Variants in TRIO observed in about 807,000 individuals in gnomAD.
TRIO encodes trio Rho guanine nucleotide exchange factor.
Under a neutral mutation model 351.9 loss-of-function variants are expected in TRIO, and 58 were observed. That is an observed-to-expected ratio of 0.16 (90% CI 0.13 to 0.21). The LOEUF (loss-of-function observed/expected upper bound fraction) is 0.21, where lower values mean the gene tolerates loss of function less well. Ranked by LOEUF, TRIO falls within the 10% of genes least tolerant of loss-of-function variation. The pLI, the probability that TRIO is intolerant of heterozygous loss-of-function variation, is 1.00. For missense variants in TRIO, 3,201 were observed against 4,027.8 expected (o/e 0.79, Z 5.56); for synonymous variants, 1,758 against 1,595.7 (o/e 1.10, Z -2.42).
Position 14,330,599 on chromosome 5 carries a change from C to G in TRIO, c.1732-179C>G, listed in dbSNP as rs534980408. Among the ~76,000 whole-genome samples the G allele has an allele frequency of 3.5e-4, 54 of 152,270 alleles. 1 individual carries two copies. The South Asian group carries it at 0.011, about 31-fold the overall frequency. On this transcript the variant is annotated intron_variant, in intron 9 of 56. Coordinates refer to ENST00000344204, the MANE Select transcript of TRIO (RefSeq NM_007118.4). ...CTGGGAAAGCTGATGTAATTATCAG[C>G]TTGTAATTATCGAGTGTGTTAAATT...
chr5:14,190,827 A>T (rs1324190801), intron 1 of TRIO, among the ~76,000 whole-genome samples: 1 of 152,202 alleles, frequency 6.6e-6, no homozygotes, highest in Non-Finnish European at 1.5e-5. Context: ...ATCTCAGGAC[A>T]AATATACACA....
intron 49 of TRIO, among the ~76,000 whole-genome samples, chr5:14,496,645 G>T (rs937230593): frequency 6.6e-6 from 1 of 152,162 alleles, no homozygotes; most frequent in Admixed American, 6.5e-5. Flanking sequence ...CATAAAATCA[G>T]TTATCACAGG....
At chr5:14,421,325 C>T (rs1223315054) in intron 34 of TRIO, among the ~76,000 whole-genome samples, 2 of 143,910 alleles carry the variant, frequency 1.4e-5, no homozygotes, top group Non-Finnish European at 3.0e-5. Context: ...TGTTCCTGGC[C>T]AGGCACGGTG....
intron 48 of TRIO, chr5:14,488,792 A>G (rs936731474): frequency 8.4e-6 from 5 of 597,106 alleles, no homozygotes; most frequent in Admixed American, 2.9e-5. Context: ...AATGGGGGGA[A>G]AGAATCTGTC....
chr5:14,379,629 C>G (rs1745888046), intron 20 of TRIO, among the ~76,000 whole-genome samples: 1 of 152,216 alleles, frequency 6.6e-6, no homozygotes, highest in African/African-American at 2.4e-5. Context: ...GGTTAGATTT[C>G]TAATTAGAGA....
intron 2 of TRIO, among the ~76,000 whole-genome samples, chr5:14,279,829 G>A (rs990330534): frequency 6.6e-6 from 1 of 152,294 alleles, no homozygotes; most frequent in Non-Finnish European, 1.5e-5. Flanking sequence ...GCCATCCGTC[G>A]CAGATTATAA....
chr5:14,484,806 A>G (rs879257355), intron 46 of TRIO, among the ~76,000 whole-genome samples: 6 of 151,896 alleles, frequency 4.0e-5, no homozygotes, highest in Non-Finnish European at 5.9e-5. Context: ...TCTACTTCCT[A>G]TCCCCACATT....
At chr5:14,263,134 G>A (rs1042259822) in intron 1 of TRIO, among the ~76,000 whole-genome samples, 6 of 152,022 alleles carry the variant, frequency 3.9e-5, no homozygotes, top group Non-Finnish European at 5.9e-5. Flanking sequence ...TATTCTCATC[G>A]CTCTGGCCCT....
chr5:14,312,865 A>G (rs530387950), intron 8 of TRIO, among the ~76,000 whole-genome samples: 2 of 152,172 alleles, frequency 1.3e-5, no homozygotes, highest in African/African-American at 4.8e-5. Flanking sequence ...TATTATCTCT[A>G]TACAACAGAA....
rs1202353999 is a variant in TRIO, at chr5:14,183,601, G to GA, written c.157+39726dup. 4.0e-5 allele frequency among the ~76,000 whole-genome samples: 6 copies of GA among 151,114 alleles called. No homozygotes were observed. The East Asian group carries it at 5.8e-4, about 15-fold the overall frequency. On this transcript the variant is annotated intron_variant, in intron 1 of 56. Transcript: ENST00000344204. The stretch of plus-strand genomic sequence containing the variant: ...AAGAAACTCTGAGTAATTAAAAAGA[G>GA]AAAAAAACAGAAAAGAATTTAACAT...
At chr5:14,171,730 C>T (rs1053131387) in intron 1 of TRIO, among the ~76,000 whole-genome samples, 2 of 152,144 alleles carry the variant, frequency 1.3e-5, no homozygotes, top group African/African-American at 4.8e-5. Context: ...TCTTAAGCTT[C>T]TTCCTGGTTA....
intron 11 of TRIO, among the ~76,000 whole-genome samples, chr5:14,351,900 G>A (rs941649341): frequency 2.6e-5 from 4 of 152,200 alleles, no homozygotes; most frequent in Admixed American, 6.5e-5. Context: ...GGTCCTTTCC[G>A]AGGGTCCACC....
intron 34 of TRIO, among the ~76,000 whole-genome samples, chr5:14,460,129 G>C (rs1014743481): frequency 6.6e-6 from 1 of 152,076 alleles, no homozygotes; most frequent in Non-Finnish European, 1.5e-5. Context: ...TGTTAGCCAG[G>C]ATAGTCTCGA....
rs185201929 is a variant in TRIO at position 14,384,380 on chromosome 5, A to C, written c.3571-3058A>C. ...AAGCTCTCTTGAGCTTGTGGACTTA[A>C]GACTTCAATTTGCTTTTATTTTTCT... On this transcript the variant is annotated intron_variant, in intron 21 of 56. Transcript: ENST00000344204. Among the ~76,000 whole-genome samples the C allele has an allele frequency of 3.0e-3, 458 of 152,378 alleles. 1 individual carries two copies. The highest frequency in any genetic ancestry group is 4.3e-3 in the Non-Finnish European group (291 of 68,042).
chr5:14,209,109 T>C (rs1302535515), intron 1 of TRIO, among the ~76,000 whole-genome samples: 1 of 152,234 alleles, frequency 6.6e-6, no homozygotes, highest in Non-Finnish European at 1.5e-5. Flanking sequence ...ATTACATTCC[T>C]GTTTTCCAGA....
chr5:14,394,338 C>T (rs1458473472), intron 28 of TRIO, among the ~76,000 whole-genome samples: 1 of 152,174 alleles, frequency 6.6e-6, no homozygotes, highest in African/African-American at 2.4e-5. Flanking sequence ...GTCTGAACTG[C>T]ACTGACTGAC....
chr5:14,164,003 A>G (rs1387389215), intron 1 of TRIO, among the ~76,000 whole-genome samples: 3 of 152,170 alleles, frequency 2.0e-5, no homozygotes, highest in Non-Finnish European at 4.4e-5. Context: ...CCAGACATTC[A>G]TAGTAGTGAG....
In TRIO at chr5:14,185,144, C is replaced by T. The variant is rs145320661; in HGVS notation, c.157+41262C>T. Among the ~76,000 whole-genome samples, 152 of 136,224 alleles carry T rather than the reference C, an allele frequency of 1.1e-3. 2 individuals carry two copies. The East Asian group carries it at 0.036, about 33-fold the overall frequency. The allele number at this position is 136,224 out of a possible 152,430, so 89.4% of individuals were successfully genotyped here. On this transcript the variant is annotated intron_variant, in intron 1 of 56. Transcript: ENST00000344204. The stretch of plus-strand genomic sequence containing the variant: ...GCCTTTCCACTTCCCCCATAAAATT[C>T]GCCCCCCTTCCCCGCCCCCCACCAC...
At position 14,461,173 on chromosome 5, in the gene TRIO, C is replaced by G; in HGVS notation, c.5358C>G (p.Ser1786Arg). The G allele has an allele frequency of 6.4e-7, 1 of 1,558,660 alleles. No homozygotes were observed. The highest frequency in any genetic ancestry group is 8.7e-7 in the Non-Finnish European group (1 of 1,151,976). The change falls in exon 35 of 57, where the codon AGC (serine) becomes AGG (arginine). Residue 1786 changes from serine to arginine, a missense_variant. By Grantham distance (110) the Ser-to-Arg change is moderately radical. Coordinates refer to ENST00000344204, the MANE Select transcript of TRIO (RefSeq NM_007118.4). ...CCAGCCCCGTGCGGCGGCTCAGCAG[C>G]GGCAAGGCCGACGGGCACGTGAAGA... ...WLTSPVRRLS[S>R]GKADGHVKKL...
Sources: allele counts gnomAD v4.1 joint callset (sites outside exome capture counted in the v4.1 genomes callset), GRCh38; gene constraint gnomAD v4.1.1; transcripts MANE v1.5; gene names NCBI Gene and HGNC (gene_info 2026-07-23, HGNC 2026-07-21).